Variants in BLTP1 observed in about 807,000 individuals in gnomAD.
BLTP1 encodes the protein fragile site-associated protein.
At chr4:122,206,368 A>G in the BLTP1 span, among the ~76,000 whole-genome samples, 24 of 152,066 alleles carry the variant, frequency 1.6e-4, no homozygotes, top group South Asian at 4.1e-3. Context: ...ATAGAAAGAA[A>G]TAGAATGCAG....
At chr4:122,246,604 GT>G in the BLTP1 span, 3 of 1,505,700 alleles carry the variant, frequency 2.0e-6, no homozygotes, top group Non-Finnish European at 2.7e-6. Flanking sequence ...CTTAACAGTA[GT>G]TTTTCATTTT....
chr4:122,263,557 A>G, the BLTP1 span: 1 of 1,612,688 alleles, frequency 6.2e-7, no homozygotes, highest in East Asian at 2.2e-5. Context: ...GTGTGTTACA[A>G]GAATCTCCTG....
At chr4:122,221,301 A>G in the BLTP1 span, among the ~76,000 whole-genome samples, 1 of 152,144 alleles carries the variant, frequency 6.6e-6, no homozygotes, top group Non-Finnish European at 1.5e-5. Context: ...TTAATTTTTC[A>G]TACATATATT....
the BLTP1 span, among the ~76,000 whole-genome samples, chr4:122,337,779 T>G: frequency 6.6e-6 from 1 of 150,686 alleles, no homozygotes; most frequent in Admixed American, 6.6e-5. Flanking sequence ...TATTTAATAT[T>G]TTATTCTAAA....
At chr4:122,295,505 G>A in the BLTP1 span, among the ~76,000 whole-genome samples, 74 of 151,964 alleles carry the variant, frequency 4.9e-4, no homozygotes, top group Non-Finnish European at 1.0e-3. Flanking sequence ...TTCACATCTG[G>A]CCAGATGTAC....
At chr4:122,279,672 C>A in the BLTP1 span, 2 of 1,311,184 alleles carry the variant, frequency 1.5e-6, no homozygotes, top group Non-Finnish European at 2.0e-6. Context: ...TTTTGAAGAC[C>A]TCTCAAATTT....
At chr4:122,228,170 C>A in the BLTP1 span, among the ~76,000 whole-genome samples, 1 of 152,152 alleles carries the variant, frequency 6.6e-6, no homozygotes, top group Non-Finnish European at 1.5e-5. Flanking sequence ...GCCTTTGCCT[C>A]CCAAAGTGCT....
the BLTP1 span, among the ~76,000 whole-genome samples, chr4:122,275,106 T>C: frequency 6.6e-6 from 1 of 152,094 alleles, no homozygotes; most frequent in Non-Finnish European, 1.5e-5. Context: ...TCACATTTCC[T>C]AAGAAGTCTT....
At chr4:122,360,171 G>A in the BLTP1 span, 1 of 393,576 alleles carries the variant, frequency 2.5e-6, no homozygotes, top group Non-Finnish European at 3.5e-6. Flanking sequence ...AAAACCTGCA[G>A]CATCACAGTG....
At chr4:122,350,878 C>T in the BLTP1 span, among the ~76,000 whole-genome samples, 5 of 151,986 alleles carry the variant, frequency 3.3e-5, no homozygotes, top group Admixed American at 6.6e-5. Flanking sequence ...ACGAAAATGC[C>T]GGACATGAAT....
the BLTP1 span, among the ~76,000 whole-genome samples, chr4:122,288,432 G>A: frequency 6.6e-6 from 1 of 152,022 alleles, no homozygotes; most frequent in African/African-American, 2.4e-5. Context: ...TGTAATCCCA[G>A]CACTTTGGGA....
chr4:122,243,864 AC>A, the BLTP1 span: 7 of 1,591,564 alleles, frequency 4.4e-6, no homozygotes, highest in Non-Finnish European at 6.0e-6. Flanking sequence ...TACGCCGTAT[AC>A]TCCATTGGAA....
the BLTP1 span, among the ~76,000 whole-genome samples, chr4:122,203,493 G>A: frequency 6.6e-6 from 1 of 151,748 alleles, no homozygotes; most frequent in Non-Finnish European, 1.5e-5. Flanking sequence ...AGTTGTTGGT[G>A]GGTTTTTTCA....
the BLTP1 span, among the ~76,000 whole-genome samples, chr4:122,217,541 C>A: frequency 4.6e-5 from 7 of 152,098 alleles, no homozygotes; most frequent in African/African-American, 1.7e-4. Context: ...TTTATTGACT[C>A]ATCCCTTCAT....
the BLTP1 span, among the ~76,000 whole-genome samples, chr4:122,293,762 G>A: frequency 3.3e-5 from 5 of 152,192 alleles, no homozygotes; most frequent in Non-Finnish European, 7.3e-5. Context: ...CAACTCACAA[G>A]TTAAGAACCA....
chr4:122,257,744 T>C, the BLTP1 span, among the ~76,000 whole-genome samples: 2 of 152,326 alleles, frequency 1.3e-5, no homozygotes, highest in Non-Finnish European at 1.5e-5. Flanking sequence ...TAATAATTCA[T>C]GTCCCAAATT....
At chr4:122,197,757 T>G in the BLTP1 span, among the ~76,000 whole-genome samples, 3 of 152,122 alleles carry the variant, frequency 2.0e-5, no homozygotes, top group African/African-American at 7.2e-5. Flanking sequence ...CATTTCATGT[T>G]AAAAATGTTA....
chr4:122,186,732 G>T, the BLTP1 span, among the ~76,000 whole-genome samples: 1 of 151,924 alleles, frequency 6.6e-6, no homozygotes, highest in South Asian at 2.1e-4. Context: ...AATTATTCTG[G>T]AACAGGATCA....
the BLTP1 span, among the ~76,000 whole-genome samples, chr4:122,158,026 GGAAGATAT>G: frequency 1.3e-5 from 2 of 152,030 alleles, no homozygotes; most frequent in Admixed American, 1.3e-4. Flanking sequence ...GCTTAAGACT[GGAAGATAT>G]GAGAAAAGCC....
Sources: gnomAD v4.1 joint callset for allele counts (sites outside exome capture counted in the v4.1 genomes callset) on GRCh38, gnomAD v4.1.1 for gene constraint, MANE v1.5 for transcripts, NCBI Gene and HGNC (gene_info 2026-07-23, HGNC 2026-07-21) for gene names.